Variants in PRDM8 observed in about 807,000 individuals in gnomAD.
PRDM8 encodes the protein PR domain zinc finger protein 8.
A neutral mutation model predicts 46.5 loss-of-function variants in PRDM8; 13 were observed. That is an observed-to-expected ratio of 0.28 (90% CI 0.18 to 0.44). The LOEUF (loss-of-function observed/expected upper bound fraction) is 0.44, where lower values mean the gene tolerates loss of function less well. PRDM8 is among the 20% of genes least tolerant of loss of function. The pLI, the probability that PRDM8 is intolerant of heterozygous loss-of-function variation, is 1.00. For missense variants in PRDM8, 998 were observed against 955.0 expected, an observed-to-expected ratio of 1.04 and a Z score of -0.59; for synonymous variants, 473 against 438.4, an observed-to-expected ratio of 1.08 and a Z score of -0.98.
chr4:80,199,707 A>ATGTGTGTG (rs201992799), intron 1 of PRDM8, among the ~76,000 whole-genome samples: 1,514 of 90,548 alleles, frequency 0.017, 23 homozygotes, highest in South Asian at 0.077. Flanking sequence ...ATATATATAT[A>ATGTGTGTG]TATGTGTGTG....
rs901432309 is a variant in PRDM8, at chr4:80,202,605, G to A, written c.1143G>A (p.Ala381=). ...CGCCAAGTCCCGAGACGGGCGAGGC[G>A]AAGCGCAGCGCCTTCGTGGAGGTGA... ...FAPPSPETGE[A]KRSAFVEVKK... Residue 381 remains alanine, a synonymous_variant, in exon 4 of 4, where the codon GCG becomes GCA. Transcript: ENST00000415738. The A allele has an allele frequency of 2.0e-6, 3 of 1,532,344 alleles. No individual in the cohort carries two copies. The highest frequency in any genetic ancestry group is 2.6e-6 in the Non-Finnish European group (3 of 1,145,618). 94.9% of individuals were successfully genotyped at this position (1,532,344 alleles called of 1,614,324 possible). A position where few individuals can be genotyped will look rare whatever the true frequency, so the allele number is the denominator to read the frequency against.
Position 80,202,421 on chromosome 4 carries a change from C to T in PRDM8, c.959C>T (p.Ala320Val), listed in dbSNP as rs1414774789. Reference protein sequence around the residue: ...GKGKRKFPEEAAEGGGGAGLV... With the variant: ...GKGKRKFPEEVAEGGGGAGLV... ...GGAAAGAGGAAATTCCCGGAGGAGG[C>T]GGCGGAGGGCGGCGGTGGCGCTGGT... Residue 320 changes from alanine to valine, a missense_variant, in exon 4 of 4, where the codon GCG (alanine) becomes GTG (valine). Ala to Val is a moderately conservative substitution (Grantham distance 64). Transcript: ENST00000415738. 1.3e-6 allele frequency: 2 copies of T among 1,547,954 alleles called. No homozygotes were observed. Among genetic ancestry groups the T allele is most frequent in the Non-Finnish European group, 1.7e-6 (2 of 1,147,024 alleles).
In PRDM8 at chr4:80,203,715, T is replaced by A. The variant is rs1578269000; in HGVS notation, c.*183T>A. 1.1e-6 allele frequency: 1 copy of A among 889,670 alleles called. No homozygotes were observed. The highest frequency in any genetic ancestry group is 1.5e-6 in the Non-Finnish European group (1 of 648,540). The allele number at this position is 889,670 out of a possible 1,614,324, so 55.1% of individuals were successfully genotyped here. ...CGTCCTCTCCTCCCAGGAACCTCAT[T>A]CAAATATTTACCCGGGACACACACC... is the stretch of plus-strand genomic sequence containing the variant. On this transcript the variant is annotated 3_prime_UTR_variant, in exon 4 of 4. Transcript: ENST00000415738.
upstream of PRDM8, chr4:80,196,415 C>G (rs1044687189): frequency 7.1e-6 from 7 of 985,324 alleles, no homozygotes; most frequent in South Asian, 4.7e-5. Flanking sequence ...GTTGCAGCCC[C>G]GTTGAAGGAG....
In PRDM8 at chr4:80,200,269, T is replaced by C. The variant is rs1738336643; in HGVS notation, c.189T>C (p.Thr63=). The part of the protein sequence containing the change: ...DSIAFIALKS[T]DKRTVPYIFR... ...TAGCTTTCATAGCTCTCAAGTCTAC[T>C]GACAAGAGAACAGTACCGTATATCT... Residue 63 remains threonine, a synonymous_variant, in exon 2 of 4, where the codon ACT becomes ACC. Transcript: ENST00000415738. The C allele has an allele frequency of 6.2e-7, 1 of 1,613,852 alleles. No individual in the cohort carries two copies. The highest frequency in any genetic ancestry group is 8.5e-7 in the Non-Finnish European group (1 of 1,179,852).
chr4:80,186,503 GT>G (rs1376020212), intron 1 of PRDM8, among the ~76,000 whole-genome samples: 1 of 148,244 alleles, frequency 6.7e-6, no homozygotes, highest in Non-Finnish European at 1.5e-5. Flanking sequence ...AAAGAGGAAA[GT>G]TGCTAATGTG....
chr4:80,200,388 G>C, intron 2 of PRDM8, 89 bp downstream of exon 2: 1 of 1,204,318 alleles, frequency 8.3e-7, no homozygotes, highest in Non-Finnish European at 1.2e-6. Flanking sequence ...AGTGGAGATA[G>C]GTTTTGCCTG....
chr4:80,197,453 T>C (rs754702411), upstream of PRDM8: 28 of 985,702 alleles, frequency 2.8e-5, no homozygotes, highest in Non-Finnish European at 3.1e-5. Context: ...TCACGCGTCA[T>C]TGGGCAGATT....
In PRDM8 at chr4:80,202,304, A is replaced by G. The variant is rs764924018; in HGVS notation, c.842A>G (p.Gln281Arg). The change falls in exon 4 of 4, where the codon CAG (glutamine) becomes CGG (arginine). Residue 281 changes from glutamine to arginine, a missense_variant. By Grantham distance (43) the Gln-to-Arg change is conservative. Transcript: ENST00000415738. ...SRGGSSCSPA[Q>R]SLSSGSGSGG... ...GGAGGCAGCAGCTGCTCCCCAGCCC[A>G]GAGCCTCAGCAGCGGTAGCGGCAGC... The G allele has an allele frequency of 1.4e-5, 23 of 1,604,302 alleles. No individual in the cohort carries two copies. The South Asian group carries it at 1.9e-4, about 13-fold the overall frequency.
upstream of PRDM8, chr4:80,197,449 G>C (rs548650306): frequency 5.3e-5 from 52 of 985,810 alleles, no homozygotes; most frequent in South Asian, 2.0e-3. Flanking sequence ...GCTGTCACGC[G>C]TCATTGGGCA....
chr4:80,196,717 G>A, upstream of PRDM8: 1 of 905,410 alleles, frequency 1.1e-6, no homozygotes, highest in Non-Finnish European at 1.3e-6. Flanking sequence ...GCAGAGGGGG[G>A]GAAAAACCCC....
chr4:80,199,371 C>T (rs1738245263), intron 1 of PRDM8, among the ~76,000 whole-genome samples: 1 of 152,082 alleles, frequency 6.6e-6, no homozygotes, highest in African/African-American at 2.4e-5. Context: ...AAAAAAATTA[C>T]CTCTGCTTGC....
chr4:80,200,375 A>G (rs1250633802), intron 2 of PRDM8, 76 bp downstream of exon 2: 11 of 1,308,164 alleles, frequency 8.4e-6, no homozygotes, highest in East Asian at 2.3e-5. Context: ...AATTATAATG[A>G]CAAGTGGAGA....
Position 80,203,348 on chromosome 4 carries a change from A to C in PRDM8, c.1886A>C (p.Lys629Thr). 1 of 1,614,032 alleles carries C rather than the reference A, an allele frequency of 6.2e-7. No homozygotes were observed. Among genetic ancestry groups the C allele is most frequent in the East Asian group, 2.2e-5 (1 of 44,842 alleles). ...CTGCCCGCGCAGAACTGGTGCGCCA[A>C]GTGCAATGCCTCCTTCCGCATGACC... is the stretch of plus-strand genomic sequence containing the variant. ...LCLPAQNWCAKCNASFRMTSD... is the reference protein window; with the variant it reads ...LCLPAQNWCATCNASFRMTSD... Residue 629 changes from lysine (K) to threonine (T), a missense_variant, in exon 4 of 4, where the codon AAG becomes ACG. Transcript: ENST00000415738.
At chr4:80,187,748 G>A (rs1012680233) in intron 1 of PRDM8, among the ~76,000 whole-genome samples, 9 of 152,012 alleles carry the variant, frequency 5.9e-5, no homozygotes, top group African/African-American at 1.5e-4. Flanking sequence ...TCCTGTCCTC[G>A]GAGTCTGTTC....
upstream of PRDM8, among the ~76,000 whole-genome samples, chr4:80,194,848 G>T (rs973483204): frequency 6.6e-6 from 1 of 152,102 alleles, no homozygotes; most frequent in Non-Finnish European, 1.5e-5. Flanking sequence ...TAAAATTGTC[G>T]CTGTTTTCTA....
chr4:80,201,810 G>T (rs1367974333), intron 3 of PRDM8, 104 bp from the exon 4 acceptor site: 1 of 1,517,218 alleles, frequency 6.6e-7, no homozygotes, highest in Non-Finnish European at 9.0e-7. Context: ...TTGTCAAGGG[G>T]ATGGTGGCAA....
upstream of PRDM8, chr4:80,197,139 G>T: frequency 2.0e-6 from 2 of 985,530 alleles, no homozygotes; most frequent in African/African-American, 1.7e-5. Context: ...GGGTCCGCAC[G>T]CGCTGGGTGT....
Position 80,203,232 on chromosome 4 carries a change from A to G in PRDM8, c.1770A>G (p.Ala590=), listed in dbSNP as rs1560480487. The change falls in exon 4 of 4, where the codon GCA becomes GCG. Residue 590 remains alanine, a synonymous_variant. Coordinates refer to ENST00000415738, the MANE Select transcript of PRDM8 (RefSeq NM_001099403.2). ...AFWPKSSAAA[A]AAAAAAAAGP... ...GGCCCAAGAGCTCCGCTGCCGCTGCAGCCGCGGCTGCGGCGGCGGCCGCGG... is the reference window on the plus strand; with the variant it reads ...GGCCCAAGAGCTCCGCTGCCGCTGCGGCCGCGGCTGCGGCGGCGGCCGCGG... 3 of 1,556,336 alleles carry G rather than the reference A, an allele frequency of 1.9e-6. No homozygotes were observed. Among genetic ancestry groups the G allele is most frequent in the Non-Finnish European group, 2.6e-6 (3 of 1,152,332 alleles).
Sources: gnomAD v4.1 joint callset for allele counts (sites outside exome capture counted in the v4.1 genomes callset) on GRCh38, gnomAD v4.1.1 for gene constraint, MANE v1.5 for transcripts, NCBI Gene and HGNC (gene_info 2026-07-23, HGNC 2026-07-21) for gene names.